Variants in CHRNA7 observed in about 807,000 individuals in gnomAD.
The protein encoded by CHRNA7 is neuronal acetylcholine receptor subunit alpha-7.
Under a neutral mutation model 48.0 loss-of-function variants are expected in CHRNA7, and 17 were observed. The ratio of observed to expected loss-of-function variants is 0.35; its 90% CI spans 0.24 to 0.53. CHRNA7 has a LOEUF of 0.53. Among genes scored for constraint, CHRNA7 ranks in the 20% least tolerant of loss-of-function variants. CHRNA7 has a pLI of 0.92. For missense variants in CHRNA7, 155 were observed against 577.7 expected, an observed-to-expected ratio of 0.27 and a Z score of 7.50; for synonymous variants, 75 against 242.3, an observed-to-expected ratio of 0.31 and a Z score of 6.41.
chr15:32,113,882 T>G (rs930103219), intron 4 of CHRNA7, among the ~76,000 whole-genome samples: 38 of 132,384 alleles, frequency 2.9e-4, no homozygotes, highest in African/African-American at 9.6e-4. Flanking sequence ...ACAACAAAAT[T>G]AGCTGGGCAT....
chr15:32,112,587 A>G (rs1271005948), intron 4 of CHRNA7, among the ~76,000 whole-genome samples: 2 of 152,216 alleles, frequency 1.3e-5, no homozygotes, highest in Non-Finnish European at 2.9e-5. Flanking sequence ...CAAATAAGGG[A>G]TCCCAGAACA....
intron 2 of CHRNA7, among the ~76,000 whole-genome samples, chr15:32,042,037 TTTGTTTTTTGC>T (rs1337883642): frequency 9.8e-5 from 15 of 152,352 alleles, no homozygotes; most frequent in African/African-American, 3.6e-4. Context: ...GTGTTTTTTG[TTTGTTTTTTGC>T]CTTTTAGTAT....
chr15:32,092,085 T>A (rs1018093403), intron 2 of CHRNA7, among the ~76,000 whole-genome samples: 3 of 152,198 alleles, frequency 2.0e-5, no homozygotes, highest in Non-Finnish European at 4.4e-5. Flanking sequence ...ATTTCCAACT[T>A]CTGTAATGGA....
intron 2 of CHRNA7, among the ~76,000 whole-genome samples, chr15:32,039,517 A>G (rs1008533662): frequency 5.3e-5 from 8 of 152,118 alleles, no homozygotes; most frequent in Non-Finnish European, 8.8e-5. Context: ...TCTTTGAGGC[A>G]TATATTATTT....
chr15:32,139,570 G>A (rs2051338320), intron 4 of CHRNA7, among the ~76,000 whole-genome samples: 1 of 144,316 alleles, frequency 6.9e-6, no homozygotes, highest in African/African-American at 2.6e-5. Flanking sequence ...TAGATGCGTA[G>A]TGGTGTCTCA....
intron 2 of CHRNA7, among the ~76,000 whole-genome samples, chr15:32,031,982 C>T (rs556058989): frequency 2.6e-5 from 4 of 151,994 alleles, no homozygotes; most frequent in Non-Finnish European, 5.9e-5. Flanking sequence ...GCCACAATTA[C>T]TGGTTAAAAA....
chr15:32,063,853 G>T (rs1371558704), intron 2 of CHRNA7, among the ~76,000 whole-genome samples: 1 of 152,130 alleles, frequency 6.6e-6, no homozygotes, highest in African/African-American at 2.4e-5. Flanking sequence ...TAGCTACTTT[G>T]TATTATTTCA....
chr15:32,044,354 T>C (rs2078954398), intron 2 of CHRNA7, among the ~76,000 whole-genome samples: 1 of 151,942 alleles, frequency 6.6e-6, no homozygotes, highest in South Asian at 2.1e-4. Flanking sequence ...CTTGGCTCAC[T>C]ACAACCTCTG....
intron 2 of CHRNA7, among the ~76,000 whole-genome samples, chr15:32,082,537 A>G (rs2050232991): frequency 6.6e-6 from 1 of 152,220 alleles, no homozygotes; most frequent in South Asian, 2.1e-4. Flanking sequence ...GTGGCAATAC[A>G]GGATGTAAAA....
At chr15:32,043,425 G>T (rs2049482577) in intron 2 of CHRNA7, among the ~76,000 whole-genome samples, 2 of 151,970 alleles carry the variant, frequency 1.3e-5, no homozygotes, top group African/African-American at 4.8e-5. Context: ...TCTCTTCTAT[G>T]TTCTTTTTTT....
rs369283083 is a variant in CHRNA7, at chr15:32,044,429, C to A, written c.195+13392C>A. On this transcript the variant is annotated intron_variant, in intron 2 of 9. Transcript: ENST00000306901. The stretch of plus-strand genomic sequence containing the variant: ...AGTAGCTGGAACTACAGGTGTGCAC[C>A]ACCACGCCTGGCTAATTTTTGTATT... Among the ~76,000 whole-genome samples, 24 of 152,232 alleles carry A rather than the reference C, an allele frequency of 1.6e-4. No homozygotes were observed. The East Asian group carries it at 2.1e-3, about 13-fold the overall frequency.
At chr15:32,071,347 C>T (rs2050054831) in intron 2 of CHRNA7, among the ~76,000 whole-genome samples, 4 of 152,072 alleles carry the variant, frequency 2.6e-5, no homozygotes, top group South Asian at 2.1e-4. Context: ...CATTAAACCT[C>T]GATACCAATT....
chr15:32,124,287 G>C (rs144076061), intron 4 of CHRNA7, among the ~76,000 whole-genome samples: 154 of 152,148 alleles, frequency 1.0e-3, no homozygotes, highest in Non-Finnish European at 1.8e-3. Context: ...TACGTAAAAA[G>C]GGACAAAATG....
At chr15:32,048,505 T>C (rs1272396243) in intron 2 of CHRNA7, among the ~76,000 whole-genome samples, 5 of 152,208 alleles carry the variant, frequency 3.3e-5, no homozygotes, top group African/African-American at 9.6e-5. Flanking sequence ...TCTGTGGGAT[T>C]GGTGGTCATA....
chr15:32,037,004 C>A (rs1418526755), intron 2 of CHRNA7, among the ~76,000 whole-genome samples: 1 of 152,128 alleles, frequency 6.6e-6, no homozygotes, highest in Non-Finnish European at 1.5e-5. Flanking sequence ...AAAGTTACTG[C>A]AATATCCAAG....
intron 4 of CHRNA7, among the ~76,000 whole-genome samples, chr15:32,114,063 T>TATATATATGTATATATATATATATAC (rs2050820490): frequency 7.0e-5 from 8 of 113,872 alleles, no homozygotes; most frequent in African/African-American, 2.2e-4. Flanking sequence ...TATATATACA[T>TATATATATGTATATATATATATATAC]ATATATATAT....
chr15:32,079,143 G>C (rs1295051016), intron 2 of CHRNA7, among the ~76,000 whole-genome samples: 1 of 152,072 alleles, frequency 6.6e-6, no homozygotes, highest in Non-Finnish European at 1.5e-5. Flanking sequence ...GTATTGATGG[G>C]ACATACCTCA....
At chr15:32,103,718 G>T (rs1330557665) in intron 3 of CHRNA7, among the ~76,000 whole-genome samples, 2 of 152,144 alleles carry the variant, frequency 1.3e-5, no homozygotes, top group African/African-American at 4.8e-5. Context: ...ATTAATGATT[G>T]TCCTCGCTGC....
intron 4 of CHRNA7, among the ~76,000 whole-genome samples, chr15:32,130,482 A>G (rs1157294810): frequency 6.6e-6 from 1 of 151,198 alleles, no homozygotes; most frequent in Non-Finnish European, 1.5e-5. Context: ...TGATAATAAT[A>G]TAGTTACTCT....
Sources: gnomAD v4.1 joint callset for allele counts (sites outside exome capture counted in the v4.1 genomes callset) on GRCh38, gnomAD v4.1.1 for gene constraint, MANE v1.5 for transcripts, NCBI Gene and HGNC (gene_info 2026-07-23, HGNC 2026-07-21) for gene names.